Variants in PIP4K2A observed in about 807,000 individuals in gnomAD.
PIP4K2A encodes phosphatidylinositol 5-phosphate 4-kinase type-2 alpha.
Under a neutral mutation model 42.9 loss-of-function variants are expected in PIP4K2A, and 14 were observed. The observed-to-expected ratio is 0.33, with a 90% CI of 0.22 to 0.51. The LOEUF (loss-of-function observed/expected upper bound fraction) is 0.51. PIP4K2A is among the 20% of genes least tolerant of loss of function. The probability of loss-of-function intolerance (pLI) is 0.97; values close to 1 mark genes in which losing one functional copy is unlikely to be tolerated. For missense variants in PIP4K2A, 434 were observed against 519.8 expected (o/e 0.83, Z 1.61); for synonymous variants, 192 against 192.2 (o/e 1.00, Z 0.01).
chr10:22,654,669 G>A (rs1427999052), intron 1 of PIP4K2A, among the ~76,000 whole-genome samples: 27 of 152,166 alleles, frequency 1.8e-4, no homozygotes, highest in Non-Finnish European at 2.9e-5. Context: ...CCAGCTGCTG[G>A]TCATGGTGGG....
chr10:22,564,181 T>C (rs1836779654), intron 6 of PIP4K2A, among the ~76,000 whole-genome samples: 1 of 152,338 alleles, frequency 6.6e-6, no homozygotes, highest in Non-Finnish European at 1.5e-5. Context: ...GGTAAGTGAA[T>C]GTCCTGCTTT....
chr10:22,707,679 T>A (rs2130926519), intron 1 of PIP4K2A, among the ~76,000 whole-genome samples: 1 of 152,308 alleles, frequency 6.6e-6, no homozygotes, highest in South Asian at 2.1e-4. Flanking sequence ...TCCCAAGTAC[T>A]AGGCACTGTG....
chr10:22,632,185 G>A (rs1838564841), intron 1 of PIP4K2A, among the ~76,000 whole-genome samples: 2 of 151,880 alleles, frequency 1.3e-5, no homozygotes, highest in Non-Finnish European at 2.9e-5. Flanking sequence ...AGGTGATCCT[G>A]GACAAGAAAG....
At chr10:22,539,749 G>T in intron 9 of PIP4K2A, 1 of 538,754 alleles carries the variant, frequency 1.9e-6, no homozygotes, top group Non-Finnish European at 3.3e-6. Context: ...AGCGTTTGTG[G>T]GTTCTGTATC....
chr10:22,661,376 A>C (rs7914111), intron 1 of PIP4K2A, among the ~76,000 whole-genome samples: 1,709 of 121,454 alleles, frequency 0.014, 34 homozygotes, highest in African/African-American at 0.053. Context: ...TTTTTTTAAG[A>C]GATGGGGTCT....
intron 5 of PIP4K2A, among the ~76,000 whole-genome samples, chr10:22,569,597 G>A (rs1836932701): frequency 6.6e-6 from 1 of 152,148 alleles, no homozygotes; most frequent in Non-Finnish European, 1.5e-5. Flanking sequence ...ATGATGCTGG[G>A]AACAGGAAGA....
At chr10:22,665,158 C>G (rs1373165317) in intron 1 of PIP4K2A, among the ~76,000 whole-genome samples, 1 of 152,182 alleles carries the variant, frequency 6.6e-6, no homozygotes, top group Non-Finnish European at 1.5e-5. Context: ...GTCTTCATCA[C>G]TTTACTTTTT....
At chr10:22,670,305 G>T (rs761099947) in intron 1 of PIP4K2A, among the ~76,000 whole-genome samples, 26 of 152,154 alleles carry the variant, frequency 1.7e-4, no homozygotes, top group Non-Finnish European at 1.0e-4. Flanking sequence ...CTTGAGCCCA[G>T]GAAGTTGAGG....
At chr10:22,594,566 T>C (rs1319589580) in intron 3 of PIP4K2A, among the ~76,000 whole-genome samples, 1 of 152,190 alleles carries the variant, frequency 6.6e-6, no homozygotes, top group Non-Finnish European at 1.5e-5. Flanking sequence ...CAGCTAATTT[T>C]TTTATTTTTA....
chr10:22,627,753 C>T (rs1838476997), intron 1 of PIP4K2A, among the ~76,000 whole-genome samples: 1 of 152,020 alleles, frequency 6.6e-6, no homozygotes, highest in Non-Finnish European at 1.5e-5. Flanking sequence ...CTTTTACTGT[C>T]AAATTTAAGA....
chr10:22,664,194 T>C lies in PIP4K2A; in HGVS notation c.144+49989A>G, dbSNP rs868289742. On this transcript the variant is annotated intron_variant, in intron 1 of 9. Coordinates refer to ENST00000376573, the MANE Select transcript of PIP4K2A (RefSeq NM_005028.5). ...ATATATATATATACATATATATACA[T>C]ATATATATACATATATATATATACA... is the stretch of plus-strand genomic sequence containing the variant. 2.6e-3 allele frequency among the ~76,000 whole-genome samples: 170 copies of C among 66,136 alleles called. 6 individuals carry two copies. Among genetic ancestry groups the C allele is most frequent in the African/African-American group, 0.015 (131 of 8,688 alleles). 43.4% of individuals were successfully genotyped at this position (66,136 alleles called of 152,430 possible).
At chr10:22,545,997 G>A (rs6482223) in intron 7 of PIP4K2A, among the ~76,000 whole-genome samples, 152,081 of 152,338 alleles carry the variant, frequency 1, 75,913 homozygotes, top group Middle Eastern at 1. Flanking sequence ...ATGATTTCAA[G>A]TCTCTGAGAC....
At chr10:22,565,845 C>G (rs1391142785) in intron 6 of PIP4K2A, among the ~76,000 whole-genome samples, 1 of 151,842 alleles carries the variant, frequency 6.6e-6, no homozygotes, top group African/African-American at 2.4e-5. Flanking sequence ...ACAGCCCCCC[C>G]AGGTGTGCCT....
chr10:22,608,211 T>C (rs143524997), intron 2 of PIP4K2A, among the ~76,000 whole-genome samples, 188 bp from the exon 3 acceptor site: 210 of 152,322 alleles, frequency 1.4e-3, no homozygotes, highest in African/African-American at 4.6e-3. Context: ...CAGACGGATG[T>C]CTGTCTGTCT....
intron 6 of PIP4K2A, among the ~76,000 whole-genome samples, chr10:22,560,836 C>G (rs1836673249): frequency 6.6e-6 from 1 of 152,204 alleles, no homozygotes; most frequent in Admixed American, 6.5e-5. Flanking sequence ...TGTAAATCCC[C>G]AGGACTCTCT....
chr10:22,569,177 G>A lies in PIP4K2A; in HGVS notation c.640-1288C>T, dbSNP rs916909876. The A allele has an allele frequency of 5.5e-6, 4 of 733,134 alleles. No individual in the cohort carries two copies. In the African/African-American group the frequency reaches 7.0e-5, roughly 13 times the overall value. The allele number at this position is 733,134 out of a possible 1,614,324, so 45.4% of individuals were successfully genotyped here. ...GAACGGAAGAGACTCCTCACATTGG[G>A]GAAGGGAGCCAAGACCAGGCTGGGG... On this transcript the variant is annotated intron_variant, in intron 5 of 9. Coordinates refer to ENST00000376573, the MANE Select transcript of PIP4K2A (RefSeq NM_005028.5).
chr10:22,556,060 G>C (rs1836535807), intron 6 of PIP4K2A, among the ~76,000 whole-genome samples: 1 of 152,124 alleles, frequency 6.6e-6, no homozygotes, highest in South Asian at 2.1e-4. Context: ...GGTTTTATCT[G>C]CTAGTTACAA....
intron 1 of PIP4K2A, among the ~76,000 whole-genome samples, chr10:22,641,424 T>C (rs1384843334): frequency 6.6e-6 from 1 of 152,164 alleles, no homozygotes; most frequent in Non-Finnish European, 1.5e-5. Flanking sequence ...TTACTTAACA[T>C]ATACCTGATC....
chr10:22,592,486 G>A (rs972442315), intron 3 of PIP4K2A, among the ~76,000 whole-genome samples: 2 of 152,172 alleles, frequency 1.3e-5, no homozygotes, highest in Non-Finnish European at 2.9e-5. Flanking sequence ...CTCCTCCTTA[G>A]GCGATTTGAA....
Sources: gnomAD v4.1 joint callset for allele counts (sites outside exome capture counted in the v4.1 genomes callset) on GRCh38, gnomAD v4.1.1 for gene constraint, MANE v1.5 for transcripts, NCBI Gene and HGNC (gene_info 2026-07-23, HGNC 2026-07-21) for gene names.